ABCB4: variants seen among roughly 807,000 people sequenced by gnomAD.
ABCB4 encodes the protein ATP binding cassette subfamily B member 4, also known as phosphatidylcholine translocator ABCB4.
A neutral mutation model predicts 145.7 loss-of-function variants in ABCB4; 76 were observed. The ratio of observed to expected loss-of-function variants is 0.52; its 90% CI spans 0.43 to 0.63. The LOEUF is 0.63. Ranked by LOEUF, ABCB4 falls within the 30% of genes least tolerant of loss-of-function variation. The pLI, the probability that ABCB4 is intolerant of heterozygous loss-of-function variation, is 0.00. For synonymous variants in ABCB4, 517 were observed against 566.8 expected, an observed-to-expected ratio of 0.91 and a Z score of 1.25; for missense variants, 1,234 against 1,553.1, an observed-to-expected ratio of 0.79 and a Z score of 3.45.
chr7:87,426,594 A>G (rs1286667426), intron 16 of ABCB4, among the ~76,000 whole-genome samples, 156 bp downstream of exon 16: 1 of 152,198 alleles, frequency 6.6e-6, no homozygotes, highest in African/African-American at 2.4e-5. Context: ...ATTCATTGTC[A>G]AATACATTTA....
chr7:87,390,324 G>A, the ABCB4 span, among the ~76,000 whole-genome samples: 25 of 152,172 alleles, frequency 1.6e-4, no homozygotes, highest in African/African-American at 4.1e-4. Flanking sequence ...TTTACCTAAC[G>A]TTTCAGTAGT....
downstream of ABCB4, among the ~76,000 whole-genome samples, chr7:87,397,697 A>T (rs1807583414): frequency 1.3e-5 from 2 of 152,196 alleles, no homozygotes; most frequent in African/African-American, 4.8e-5. Context: ...CTGCAAATAT[A>T]ATCCACTCAG....
At chr7:87,451,533 C>G in intron 7 of ABCB4, 90 bp downstream of exon 7, 1 of 1,411,270 alleles carries the variant, frequency 7.1e-7, no homozygotes, top group Non-Finnish European at 1.0e-6. Flanking sequence ...TTAATGTAGA[C>G]CTGAACAGGT....
rs779602128 is a variant in ABCB4, at chr7:87,450,038, C to G, written c.763G>C (p.Val255Leu). The change falls in exon 8 of 28, where the codon GTG (valine) becomes CTG (leucine). Residue 255 changes from valine to leucine, a missense_variant. By Grantham distance (32) the Val-to-Leu change is conservative. Around this residue, in one of 7 missense-constraint regions of ABCB4, gnomAD observed 467 missense variants for 632.8 expected, o/e 0.74. Coordinates refer to ENST00000649586, the MANE Select transcript of ABCB4 (RefSeq NM_000443.4). The stretch of plus-strand genomic sequence containing the variant: ...ATGGCCCCCAGAGCCTCTTCTGCCA[C>G]GGCGCCTGCTTTTGCATAAGCAGCT... ...ELAAYAKAGA[V>L]AEEALGAIRT... 1 of 1,614,182 alleles carries G rather than the reference C, an allele frequency of 6.2e-7. No homozygotes were observed. The highest frequency in any genetic ancestry group is 1.1e-5 in the South Asian group (1 of 91,088).
At chr7:87,456,837 C>CA (rs1403587192) in intron 4 of ABCB4, among the ~76,000 whole-genome samples, 1 of 151,964 alleles carries the variant, frequency 6.6e-6, no homozygotes, top group Non-Finnish European at 1.5e-5. Flanking sequence ...CGGGGAAACT[C>CA]AGAGTTTCTG....
downstream of ABCB4, among the ~76,000 whole-genome samples, chr7:87,400,231 A>C (rs1584659828): frequency 1.3e-5 from 2 of 152,330 alleles, no homozygotes; most frequent in Admixed American, 6.5e-5. Context: ...AAAAAGTAAT[A>C]TCTTGATAAG....
At chr7:87,467,244 G>A (rs138792878) in intron 3 of ABCB4, among the ~76,000 whole-genome samples, 2,299 of 152,268 alleles carry the variant, frequency 0.015, 61 homozygotes, top group African/African-American at 0.052. Flanking sequence ...GGCAGGGATT[G>A]CAATCCTAGT....
chr7:87,367,146 T>C, the ABCB4 span, among the ~76,000 whole-genome samples: 1 of 152,224 alleles, frequency 6.6e-6, no homozygotes, highest in Non-Finnish European at 1.5e-5. Context: ...TGCTAGTCAG[T>C]TGACCTTGAA....
At chr7:87,393,143 T>G in the ABCB4 span, 97 of 1,450,768 alleles carry the variant, frequency 6.7e-5, no homozygotes, top group Admixed American at 1.3e-4. Context: ...ATGCCTTTCC[T>G]ACACTGTGAT....
rs1325047999 is a variant in ABCB4 at position 87,462,910 on chromosome 7, T to TA, written c.136-3dup. ...ATCCTGCCAATCGGAGTATCGAAAC[T>TA]AAAAAAAGGAAATAAAATAATACTT... On this transcript the variant is annotated splice_region_variant and splice_polypyrimidine_tract_variant and intron_variant, in intron 3 of 27. Transcript: ENST00000649586. The TA allele has an allele frequency of 6.2e-7, 1 of 1,612,636 alleles. No individual in the cohort carries two copies. Among genetic ancestry groups the TA allele is most frequent in the Non-Finnish European group, 8.5e-7 (1 of 1,179,018 alleles).
At chr7:87,399,718 T>C (rs1381712784), downstream of ABCB4, 1 of 152,204 alleles carries the variant, frequency 6.6e-6, no homozygotes, top group Non-Finnish European at 1.5e-5. Context: ...AATTTTGTAG[T>C]TTTTACTCTC....
rs1262620097 is a variant in ABCB4, at chr7:87,426,735, T to C, written c.2064+15A>G. On this transcript the variant is annotated intron_variant, in intron 16 of 27. Coordinates refer to ENST00000649586, the MANE Select transcript of ABCB4 (RefSeq NM_000443.4). ...TACAAAGTAAAAGACTTAATTTAAGTGAAAAACAACTTACAAGTCCATCGG... is the reference window on the plus strand; with the variant it reads ...TACAAAGTAAAAGACTTAATTTAAGCGAAAAACAACTTACAAGTCCATCGG... The C allele has an allele frequency of 6.2e-7, 1 of 1,612,250 alleles. No homozygotes were observed. The highest frequency in any genetic ancestry group is 8.5e-7 in the Non-Finnish European group (1 of 1,178,418).
intron 7 of ABCB4, among the ~76,000 whole-genome samples, chr7:87,450,764 C>T (rs950378829): frequency 6.6e-6 from 1 of 152,188 alleles, no homozygotes; most frequent in African/African-American, 2.4e-5. Context: ...AACAATACTT[C>T]CAGACCTCCT....
the ABCB4 span, among the ~76,000 whole-genome samples, chr7:87,384,718 T>C: frequency 1.1e-4 from 17 of 152,232 alleles, no homozygotes; most frequent in Non-Finnish European, 2.1e-4. Context: ...TTTAACTTCA[T>C]ATGATCCCAT....
chr7:87,382,289 A>G, the ABCB4 span: 4 of 1,409,578 alleles, frequency 2.8e-6, no homozygotes, highest in Non-Finnish European at 3.9e-6. Flanking sequence ...TTTTAAAATT[A>G]TGCCTTTAAC....
At chr7:87,369,456 T>A in the ABCB4 span, 1 of 1,612,856 alleles carries the variant, frequency 6.2e-7, no homozygotes, top group Non-Finnish European at 8.5e-7. Flanking sequence ...ACATGAAGGA[T>A]GTTTGGTCAC....
At chr7:87,409,704 TGA>T (rs940379356) in intron 23 of ABCB4, among the ~76,000 whole-genome samples, 1 of 152,212 alleles carries the variant, frequency 6.6e-6, no homozygotes, top group African/African-American at 2.4e-5. Context: ...TAACTGAATC[TGA>T]TCTGTGAGCT....
At chr7:87,416,459 T>TTA (rs1808982447) in intron 21 of ABCB4, among the ~76,000 whole-genome samples, 1 of 152,220 alleles carries the variant, frequency 6.6e-6, no homozygotes, top group African/African-American at 2.4e-5. Flanking sequence ...CAATTTATAT[T>TTA]TATTATCTGC....
chr7:87,409,431 A>C (rs1332536809), intron 23 of ABCB4, 39 bp from the exon 24 acceptor site: 1 of 1,603,428 alleles, frequency 6.2e-7, no homozygotes, highest in African/African-American at 1.3e-5. Flanking sequence ...TAGCTTTTAT[A>C]ATTAACTCCA....
Sources: allele counts gnomAD v4.1 joint callset (sites outside exome capture counted in the v4.1 genomes callset), GRCh38; gene constraint gnomAD v4.1.1; regional missense constraint gnomAD v4.1.1; transcripts MANE v1.5; gene names NCBI Gene and HGNC (gene_info 2026-07-23, HGNC 2026-07-21).